The following BCL2 variants were observed in gnomAD, a reference collection of about 807,000 sequenced individuals.
BCL2 encodes BCL2 apoptosis regulator.
A neutral mutation model predicts 14.2 loss-of-function variants in BCL2; 1 was observed. That is an observed-to-expected ratio of 0.07 (90% CI 0.02 to 0.33). BCL2 has a LOEUF of 0.33. BCL2 is among the 10% of genes least tolerant of loss of function. The probability of loss-of-function intolerance (pLI) is 0.99; values close to 1 mark genes in which losing one functional copy is unlikely to be tolerated. For synonymous variants in BCL2, 151 were observed against 137.2 expected, an observed-to-expected ratio of 1.10 and a Z score of -0.70; for missense variants, 247 against 305.9, an observed-to-expected ratio of 0.81 and a Z score of 1.44.
chr18:63,277,777 A>G (rs1912198731), intron 2 of BCL2, among the ~76,000 whole-genome samples: 1 of 152,092 alleles, frequency 6.6e-6, no homozygotes. Flanking sequence ...TTGCTAGGTA[A>G]AGAGTAGTAA....
Position 63,197,712 on chromosome 18 carries a change from G to C in BCL2, c.586-68953C>G, listed in dbSNP as rs971467846. ...GAAGAAGGAAGTGAGGGAGGAGGAA[G>C]CTTTCATAAGATGATGTAATATTCA... is the stretch of plus-strand genomic sequence containing the variant. On this transcript the variant is annotated intron_variant, in intron 2 of 2. Transcript: ENST00000333681. Among the ~76,000 whole-genome samples, 4 of 151,984 alleles carry C rather than the reference G, an allele frequency of 2.6e-5. No homozygotes were observed. In the East Asian group the frequency reaches 5.8e-4, roughly 22 times the overall value.
At chr18:63,257,490 T>C (rs1253845860) in intron 2 of BCL2, among the ~76,000 whole-genome samples, 1 of 152,238 alleles carries the variant, frequency 6.6e-6, no homozygotes, top group Non-Finnish European at 1.5e-5. Flanking sequence ...AAAGGTATAA[T>C]AATCCAGGAG....
At chr18:63,216,213 A>T (rs981699868) in intron 2 of BCL2, among the ~76,000 whole-genome samples, 3 of 152,064 alleles carry the variant, frequency 2.0e-5, no homozygotes, top group Admixed American at 6.5e-5. Context: ...TTGTAACCAG[A>T]ACAAAAATAT....
At chr18:63,164,267 T>C (rs1914988384) in intron 2 of BCL2, among the ~76,000 whole-genome samples, 1 of 152,192 alleles carries the variant, frequency 6.6e-6, no homozygotes, top group African/African-American at 2.4e-5. Context: ...AAAATATTAC[T>C]ACATACCCAA....
At position 63,127,959 on chromosome 18, in the gene BCL2, G is replaced by A. The variant is rs573086110; in HGVS notation, c.*666C>T. 98 of 225,034 alleles carry A rather than the reference G, an allele frequency of 4.4e-4. No individual in the cohort carries two copies. Among genetic ancestry groups the A allele is most frequent in the African/African-American group, 1.9e-3 (86 of 44,872 alleles). The allele number at this position is 225,034 out of a possible 1,614,324, so 13.9% of individuals were successfully genotyped here. On this transcript the variant is annotated 3_prime_UTR_variant, in exon 3 of 3. Transcript: ENST00000333681. Reference sequence around the variant, plus strand: ...ATTTTTCCCATCGCTGTCCTTCGGCGTGGAAATCTCAGTGGGTACTAGGTC... The same window carrying A: ...ATTTTTCCCATCGCTGTCCTTCGGCATGGAAATCTCAGTGGGTACTAGGTC...
At chr18:63,312,154 T>C (rs1462018737) in intron 2 of BCL2, among the ~76,000 whole-genome samples, 4 of 152,188 alleles carry the variant, frequency 2.6e-5, no homozygotes, top group African/African-American at 9.6e-5. Flanking sequence ...CCACTTCTGC[T>C]CCCTTTTGCT....
At chr18:63,291,370 T>C (rs977736976) in intron 2 of BCL2, among the ~76,000 whole-genome samples, 5 of 152,212 alleles carry the variant, frequency 3.3e-5, no homozygotes, top group African/African-American at 1.2e-4. Flanking sequence ...AACTACATTT[T>C]GCAAAAAGTT....
At chr18:63,199,323 C>T (rs1909615779) in intron 2 of BCL2, among the ~76,000 whole-genome samples, 1 of 148,448 alleles carries the variant, frequency 6.7e-6, no homozygotes, top group Non-Finnish European at 1.5e-5. Context: ...TACTACACAA[C>T]ATGCACACAC....
intron 2 of BCL2, among the ~76,000 whole-genome samples, chr18:63,287,452 G>T (rs1912506994): frequency 6.6e-6 from 1 of 152,172 alleles, no homozygotes; most frequent in South Asian, 2.1e-4. Flanking sequence ...CAAAACTCTA[G>T]GGATATAGAA....
At chr18:63,255,478 T>C (rs1450595494) in intron 2 of BCL2, among the ~76,000 whole-genome samples, 1 of 152,204 alleles carries the variant, frequency 6.6e-6, no homozygotes, top group Non-Finnish European at 1.5e-5. Flanking sequence ...ATCTGATTCA[T>C]TCAAATGTTC....
intron 2 of BCL2, among the ~76,000 whole-genome samples, chr18:63,198,810 G>GAC (rs1333472072): frequency 0.019 from 28 of 1,454 alleles, no homozygotes; most frequent in African/African-American, 0.037. Context: ...CTGACACAGA[G>GAC]ACACACAGAC....
Position 63,128,395 on chromosome 18 carries a change from A to G in BCL2, c.*230T>C. 2.5e-6 allele frequency: 1 copy of G among 407,744 alleles called. No individual in the cohort carries two copies. The highest frequency in any genetic ancestry group is 4.4e-6 in the Non-Finnish European group (1 of 228,868). 25.3% of individuals were successfully genotyped at this position (407,744 alleles called of 1,614,324 possible). On this transcript the variant is annotated 3_prime_UTR_variant, in exon 3 of 3. Transcript: ENST00000333681. ...AAATCTTTTTTTCTTAATAATGTAA[A>G]AAATAAATGATATTTCCCTTTGGCA...
At chr18:63,311,730 C>T (rs1395470431) in intron 2 of BCL2, among the ~76,000 whole-genome samples, 1 of 152,162 alleles carries the variant, frequency 6.6e-6, no homozygotes, top group Non-Finnish European at 1.5e-5. Flanking sequence ...ACGCGATGCT[C>T]AAGGGCAGGT....
chr18:63,135,298 A>T (rs746977635), intron 2 of BCL2, among the ~76,000 whole-genome samples: 1 of 152,044 alleles, frequency 6.6e-6, no homozygotes, highest in Non-Finnish European at 1.5e-5. Context: ...CTCTGCCCCA[A>T]CTTGGACTCC....
chr18:63,162,817 TTCCCTCCTTCCTTCCTTCTTTCCA>T (rs1914954420), intron 2 of BCL2, among the ~76,000 whole-genome samples: 2 of 151,906 alleles, frequency 1.3e-5, no homozygotes, highest in Non-Finnish European at 2.9e-5. Flanking sequence ...CCTTCTTTCC[TTCCCTCCTTCCTTCCTTCTTTCCA>T]TCCCTCCTTC....
chr18:63,166,484 C>T (rs764286734), intron 2 of BCL2, among the ~76,000 whole-genome samples: 4 of 152,206 alleles, frequency 2.6e-5, no homozygotes, highest in African/African-American at 9.6e-5. Flanking sequence ...CAGTTGACTG[C>T]GCCAGCTCTC....
intron 2 of BCL2, among the ~76,000 whole-genome samples, chr18:63,211,419 T>G (rs1458732894): frequency 6.6e-6 from 1 of 152,152 alleles, no homozygotes; most frequent in African/African-American, 2.4e-5. Context: ...GCTGGCCTTG[T>G]TTTCTCTCGA....
In BCL2 at chr18:63,125,733, C is replaced by T. The variant is rs1020870225; in HGVS notation, c.*2892G>A. The stretch of plus-strand genomic sequence containing the variant: ...TTGAGGCTTTTATATACATTCATTG[C>T]TTCTAACATGTTTTTAACAATAAGG... On this transcript the variant is annotated 3_prime_UTR_variant, in exon 3 of 3. Transcript: ENST00000333681. 1.4e-5 allele frequency: 3 copies of T among 213,564 alleles called. No individual in the cohort carries two copies. Among genetic ancestry groups the T allele is most frequent in the Admixed American group, 5.9e-5 (1 of 17,056 alleles). The allele number at this position is 213,564 out of a possible 1,614,324, so 13.2% of individuals were successfully genotyped here.
intron 2 of BCL2, among the ~76,000 whole-genome samples, chr18:63,145,005 A>G (rs1297563853): frequency 6.6e-6 from 1 of 152,220 alleles, no homozygotes; most frequent in East Asian, 1.9e-4. Context: ...AGTATTTTAA[A>G]ATGTTGTATG....
Sources: gnomAD v4.1 joint callset for allele counts (sites outside exome capture counted in the v4.1 genomes callset) on GRCh38, gnomAD v4.1.1 for gene constraint, MANE v1.5 for transcripts, NCBI Gene and HGNC (gene_info 2026-07-23, HGNC 2026-07-21) for gene names.